The following MTA1 variants were observed in gnomAD, a reference collection of about 807,000 sequenced individuals.
MTA1 encodes the protein metastasis-associated protein MTA1.
In MTA1, 15 loss-of-function variants were observed where a neutral mutation model predicts 97.0. That is an observed-to-expected ratio of 0.15 (90% confidence interval 0.10 to 0.24). The LOEUF is 0.24. Ranked by LOEUF, MTA1 falls within the 10% of genes least tolerant of loss-of-function variation. The pLI is 1.00. For synonymous variants in MTA1, 435 were observed against 417.5 expected, an observed-to-expected ratio of 1.04 and a Z score of -0.51; for missense variants, 709 against 1,015.1, an observed-to-expected ratio of 0.70 and a Z score of 4.10.
rs781826965 is a variant in MTA1 at position 105,464,080 on chromosome 14, T to C, written c.1125T>C (p.Gly375=). 15 of 1,612,286 alleles carry C rather than the reference T, an allele frequency of 9.3e-6. 1 individual carries two copies. The South Asian group carries it at 1.4e-4, about 15-fold the overall frequency. ...TCAGCGTCAACAACGTCAAGGCCGG[T>C]GTGGTGAACGGCACGGGGGCGCCGG... ...NQISVNNVKA[G]VVNGTGAPGQ... The change falls in exon 13 of 21, where the codon GGT becomes GGC. Residue 375 remains glycine (G), a synonymous_variant. Transcript: ENST00000331320.
Position 105,463,188 on chromosome 14 carries a change from C to G in MTA1, c.947C>G (p.Pro316Arg), listed in dbSNP as rs1305847040. 6.2e-7 allele frequency: 1 copy of G among 1,611,386 alleles called. No individual in the cohort carries two copies. Among genetic ancestry groups the G allele is most frequent in the Non-Finnish European group, 8.5e-7 (1 of 1,179,830 alleles). The change falls in exon 11 of 21, where the codon CCG (proline) becomes CGG (arginine). Residue 316 changes from proline (P) to arginine (R), a missense_variant. Transcript: ENST00000331320. This position sits in a 1 kb window ranked among gnomAD's most constrained non-coding sequence, Gnocchi z 5.9. ...GACACGCCTCCTCCCACCCAGCTCC[C>G]GTGGAAGTCGCTGACCAGCATCATT... ...DFTDIQQDFLPWKSLTSIIEY... is the reference protein window; with the variant it reads ...DFTDIQQDFLRWKSLTSIIEY...
At chr14:105,446,553 C>T (rs1188481056) in intron 3 of MTA1, among the ~76,000 whole-genome samples, 1 of 152,152 alleles carries the variant, frequency 6.6e-6, no homozygotes, top group Non-Finnish European at 1.5e-5. Context: ...GGAAGTCAGC[C>T]CAGGCAACCT....
intron 18 of MTA1, chr14:105,467,787 C>T (rs2083658981): frequency 1.1e-5 from 3 of 272,128 alleles, no homozygotes; most frequent in East Asian, 1.3e-4. Context: ...AATGGCAGGG[C>T]GTCCCAGGAA....
chr14:105,464,846 C>A lies in MTA1; in HGVS notation c.1517C>A (p.Ala506Glu). Reference protein sequence around the residue: ...ARHPYLPINSAAIKAECTARL... With the variant: ...ARHPYLPINSEAIKAECTARL... ...CACCCCTACCTGCCCATCAACAGCG[C>A]GGCCATCAAGGCCGAGTGTGAGTCA... Residue 506 changes from alanine to glutamate, a missense_variant, in exon 15 of 21, where the codon GCG becomes GAG. Ala to Glu is a moderately radical substitution (Grantham distance 107). This residue lies in a region of MTA1 where 388 missense variants were observed against 421.6 expected (regional missense o/e 0.92). Transcript: ENST00000331320. The A allele has an allele frequency of 6.3e-7, 1 of 1,582,390 alleles. No homozygotes were observed.
At chr14:105,449,189 G>A (rs984790598) in intron 3 of MTA1, 170 bp from the exon 4 acceptor site, 8 of 578,230 alleles carry the variant, frequency 1.4e-5, no homozygotes, top group South Asian at 4.7e-5. Context: ...GGGGGACGTC[G>A]AGGCCCAGAT....
intron 1 of MTA1, 59 bp from the exon 2 acceptor site, chr14:105,438,613 G>A (rs991842559): frequency 5.9e-5 from 90 of 1,521,818 alleles, no homozygotes; most frequent in Admixed American, 3.3e-5. Context: ...GCCACGGGAG[G>A]TGGGACTGGG....
Position 105,466,468 on chromosome 14 carries a change from T to C in MTA1, c.1667T>C (p.Val556Ala). The C allele has an allele frequency of 8.3e-7, 1 of 1,210,694 alleles. No individual in the cohort carries two copies. Among genetic ancestry groups the C allele is most frequent in the South Asian group, 1.2e-5 (1 of 83,768 alleles). The allele number at this position is 1,210,694 out of a possible 1,614,324, so 75.0% of individuals were successfully genotyped here. A position where few individuals can be genotyped will look rare whatever the true frequency, so the allele number is the denominator to read the frequency against. Residue 556 changes from valine to alanine, a missense_variant, in exon 17 of 21, where the codon GTG becomes GCG. By Grantham distance (64) the Val-to-Ala change is moderately conservative (BLOSUM62 0). Transcript: ENST00000331320. ...CCCAAGCCTGACCCCGTGAAAAGCG[T>C]GTCCAGCGTGCTCAGCAGCCTGACG... ...RPPKPDPVKS[V>A]SSVLSSLTPA... is the part of the protein sequence containing the mutation.
intron 3 of MTA1, among the ~76,000 whole-genome samples, chr14:105,448,333 C>T (rs1448836226): frequency 6.6e-6 from 1 of 152,148 alleles, no homozygotes; most frequent in Non-Finnish European, 1.5e-5. Context: ...GCCCACCTCG[C>T]CCGCATCTCC....
At chr14:105,467,547 G>T (rs1472215190) in intron 18 of MTA1, 4 of 451,338 alleles carry the variant, frequency 8.9e-6, no homozygotes, top group South Asian at 1.6e-5. Flanking sequence ...CGCAGGGTGG[G>T]CCTGAGATCG....
rs1298150640 is a variant in MTA1, at chr14:105,470,381, G to C, written c.*166G>C. ...ACTGGGGGAGGAGAGGAAGAAGCGC[G>C]GCTAACTTATTCCGAGAATGCCGAG... On this transcript the variant is annotated 3_prime_UTR_variant, in exon 21 of 21. Coordinates refer to ENST00000331320, the MANE Select transcript of MTA1 (RefSeq NM_004689.4). 5.3e-6 allele frequency: 3 copies of C among 565,496 alleles called. No homozygotes were observed. The highest frequency in any genetic ancestry group is 8.6e-6 in the Non-Finnish European group (3 of 350,086). The allele number at this position is 565,496 out of a possible 1,614,324, so 35.0% of individuals were successfully genotyped here.
chr14:105,452,753 G>A (rs1026661277), intron 6 of MTA1, among the ~76,000 whole-genome samples: 1 of 152,248 alleles, frequency 6.6e-6, no homozygotes, highest in Non-Finnish European at 1.5e-5. Context: ...GGATAGTCGT[G>A]TCAGTTCAAG....
chr14:105,452,809 G>A (rs924061935), intron 6 of MTA1, among the ~76,000 whole-genome samples: 2 of 152,268 alleles, frequency 1.3e-5, no homozygotes, highest in Non-Finnish European at 2.9e-5. Context: ...CATGGAGCAG[G>A]TGTCATGCTG....
At chr14:105,460,742 G>A in intron 9 of MTA1, 23 bp from the exon 10 acceptor site, 1 of 1,546,102 alleles carries the variant, frequency 6.5e-7, no homozygotes, top group Non-Finnish European at 8.7e-7. Context: ...TGGCCCGGGT[G>A]ACCCTGCTGT....
rs116020321 is a variant in MTA1 at position 105,458,156 on chromosome 14, C to A, written c.551-114C>A. 27 of 798,990 alleles carry A rather than the reference C, an allele frequency of 3.4e-5. No homozygotes were observed. In the African/African-American group the frequency reaches 4.6e-4, roughly 14 times the overall value. The allele number at this position is 798,990 out of a possible 1,614,324, so 49.5% of individuals were successfully genotyped here. A position where few individuals can be genotyped will look rare whatever the true frequency, so the allele number is the denominator to read the frequency against. The stretch of plus-strand genomic sequence containing the variant: ...TTGCACCCTGGCCTCACCTATGGGG[C>A]CCTGCAGCCCTTCCCCCTCCCCGTC... On this transcript the variant is annotated intron_variant, in intron 7 of 20. Transcript: ENST00000331320.
rs1555430377 is a variant in MTA1 at position 105,458,367 on chromosome 14, G to A, written c.648G>A (p.Val216=). ...TDKQIDQFLV[V]ARSVGTFARA... ...AGCAGATCGACCAGTTCCTGGTGGTGGCCCGGTGAGTCCTGCTCCTGGGCA... is the reference window on the plus strand; with the variant it reads ...AGCAGATCGACCAGTTCCTGGTGGTAGCCCGGTGAGTCCTGCTCCTGGGCA... Residue 216 remains valine, a synonymous_variant, in exon 8 of 21, where the codon GTG becomes GTA. Coordinates refer to ENST00000331320, the MANE Select transcript of MTA1 (RefSeq NM_004689.4). 1 of 1,612,548 alleles carries A rather than the reference G, an allele frequency of 6.2e-7. No individual in the cohort carries two copies. Among genetic ancestry groups the A allele is most frequent in the African/African-American group, 1.3e-5 (1 of 75,050 alleles).
At chr14:105,431,947 T>C (rs1002165595) in intron 1 of MTA1, among the ~76,000 whole-genome samples, 4 of 152,174 alleles carry the variant, frequency 2.6e-5, no homozygotes, top group African/African-American at 9.7e-5. Context: ...TTTGAGTCTG[T>C]CATGCCTTAT....
chr14:105,451,775 C>CTTTTTTTTTTTTT lies in MTA1; in HGVS notation c.432+1458_432+1459insTTTTTTTTTTTTT, dbSNP rs1436886470. On this transcript the variant is annotated intron_variant, in intron 6 of 20. Coordinates refer to ENST00000331320, the MANE Select transcript of MTA1 (RefSeq NM_004689.4). ...CAGCCCTTCCCCCCTTTTTCTTTTTCTTTTTTTGTTTTTTTTTTTTTTTTT... is the reference window on the plus strand; with the variant it reads ...CAGCCCTTCCCCCCTTTTTCTTTTTCTTTTTTTTTTTTTTTTTTTTGTTTTTTTTTTTTTTTTT... 1.7e-4 allele frequency among the ~76,000 whole-genome samples: 20 copies of CTTTTTTTTTTTTT among 118,262 alleles called. 2 individuals carry two copies. Among genetic ancestry groups the CTTTTTTTTTTTTT allele is most frequent in the South Asian group, 5.4e-4 (2 of 3,694 alleles). The allele number at this position is 118,262 out of a possible 152,430, so 77.6% of individuals were successfully genotyped here.
chr14:105,464,622 C>G (rs2083491027), intron 14 of MTA1, 52 bp from the exon 15 acceptor site: 2 of 1,609,408 alleles, frequency 1.2e-6, no homozygotes, highest in Non-Finnish European at 1.7e-6. Flanking sequence ...CACGCGGGTC[C>G]TCGGCCCCCG....
At position 105,424,161 on chromosome 14, in the gene MTA1, TCTC is replaced by T. The variant is rs587695071; in HGVS notation, c.28+4101_28+4103del. On this transcript the variant is annotated intron_variant, in intron 1 of 20. Coordinates refer to ENST00000331320, the MANE Select transcript of MTA1 (RefSeq NM_004689.4). The surrounding 1 kb of genome is among the most constrained non-coding windows in gnomAD (Gnocchi z 4.0). ...TCCAGGCAGGATGGGCCACTGAGCT[TCTC>T]CTGCCTCAGCCACTGAGCACTCCTG... Among the ~76,000 whole-genome samples the T allele has an allele frequency of 7.1e-3, 1,079 of 152,360 alleles. 9 individuals carry two copies. Among genetic ancestry groups the T allele is most frequent in the Non-Finnish European group, 0.013 (858 of 68,042 alleles).
Sources: gnomAD v4.1 joint callset for allele counts (sites outside exome capture counted in the v4.1 genomes callset) on GRCh38, gnomAD v4.1.1 for gene constraint, gnomAD v4.1.1 regional missense constraint, Gnocchi (gnomAD v3.1) non-coding constraint, MANE v1.5 for transcripts, NCBI Gene and HGNC (gene_info 2026-07-23, HGNC 2026-07-21) for gene names.